The following FRMD8 variants were observed in gnomAD, a reference collection of about 807,000 sequenced individuals.
FRMD8 encodes the protein FERM domain containing 8, also known as FERM domain-containing protein 8.
Under a neutral mutation model 54.2 loss-of-function variants are expected in FRMD8, and 37 were observed. That is an observed-to-expected ratio of 0.68 (90% CI 0.53 to 0.90). The LOEUF is 0.90. FRMD8 is among the 40% of genes least tolerant of loss of function. The pLI is 0.00. For missense variants in FRMD8, 585 were observed against 653.7 expected (o/e 0.89, Z 1.15); for synonymous variants, 246 against 286.9 (o/e 0.86, Z 1.44).
the FRMD8 span, among the ~76,000 whole-genome samples, chr11:65,371,758 G>C: frequency 6.6e-6 from 1 of 152,162 alleles, no homozygotes; most frequent in Non-Finnish European, 1.5e-5. Context: ...GTGACTACAG[G>C]TGCGTGCCAC....
Position 65,400,874 on chromosome 11 carries a change from C to T in FRMD8, c.1071+7C>T, listed in dbSNP as rs376420786. 6.3e-6 allele frequency: 10 copies of T among 1,594,096 alleles called. No homozygotes were observed. The highest frequency in any genetic ancestry group is 4.5e-5 in the South Asian group (4 of 87,918). ...CAAGATCTACTCCAAGCAGGTAGCGCGGGTGGTGCCTGCACACGGGTGGGG... is the reference window on the plus strand; with the variant it reads ...CAAGATCTACTCCAAGCAGGTAGCGTGGGTGGTGCCTGCACACGGGTGGGG... On this transcript the variant is annotated splice_region_variant and intron_variant, in intron 9 of 10. Transcript: ENST00000317568. This position sits in a 1 kb window ranked among gnomAD's most constrained non-coding sequence, Gnocchi z 4.3.
At chr11:65,394,969 G>A (rs150469185) in intron 6 of FRMD8, among the ~76,000 whole-genome samples, 17 of 152,340 alleles carry the variant, frequency 1.1e-4, no homozygotes, top group African/African-American at 3.6e-4. Context: ...TGAAGGGGCC[G>A]GACGCGGTGG....
At chr11:65,406,961 AAAT>A (rs1856212606) in intron 10 of FRMD8, among the ~76,000 whole-genome samples, 1 of 151,956 alleles carries the variant, frequency 6.6e-6, no homozygotes, top group African/African-American at 2.4e-5. Flanking sequence ...ATAAATAAAT[AAAT>A]AATAAAAAGG....
the FRMD8 span, among the ~76,000 whole-genome samples, chr11:65,368,732 T>G: frequency 1.3e-5 from 2 of 151,730 alleles, no homozygotes; most frequent in African/African-American, 4.8e-5. Flanking sequence ...CCCGGCTAAT[T>G]TTTTGTATTT....
rs1856038817 is a variant in FRMD8, at chr11:65,400,024, G to A, written c.927+165G>A. 1.1e-5 allele frequency: 9 copies of A among 788,956 alleles called. No homozygotes were observed. Among genetic ancestry groups the A allele is most frequent in the Non-Finnish European group, 1.5e-5 (8 of 519,526 alleles). 48.9% of individuals were successfully genotyped at this position (788,956 alleles called of 1,614,324 possible). On this transcript the variant is annotated intron_variant, in intron 8 of 10. Coordinates refer to ENST00000317568, the MANE Select transcript of FRMD8 (RefSeq NM_031904.5). The surrounding 1 kb of genome is among the most constrained non-coding windows in gnomAD (Gnocchi z 4.3). ...CCTCGTAGCCCCTGAGGGTGATCCTGGGTCCTCTTGCCCAACATGCTAGGC... is the reference window on the plus strand; with the variant it reads ...CCTCGTAGCCCCTGAGGGTGATCCTAGGTCCTCTTGCCCAACATGCTAGGC...
the FRMD8 span, chr11:65,375,559 G>T: frequency 6.6e-6 from 1 of 152,516 alleles, no homozygotes; most frequent in African/African-American, 2.4e-5. Context: ...CAGGGTCCAG[G>T]AAGCAACCCC....
chr11:65,394,436 G>T lies in FRMD8; in HGVS notation c.581+11G>T. 6.4e-7 allele frequency: 1 copy of T among 1,562,782 alleles called. No homozygotes were observed. ...AGCCTGCGACCTGAGGTGAGGGCCT[G>T]TGTGACTTGAGGCGGGGGCGCTGGG... On this transcript the variant is annotated intron_variant, in intron 6 of 10. Transcript: ENST00000317568.
the FRMD8 span, chr11:65,376,329 C>A: frequency 6.5e-7 from 1 of 1,533,980 alleles, no homozygotes; most frequent in Non-Finnish European, 8.9e-7. Flanking sequence ...GATTTGCAAG[C>A]TTTCAACCTG....
At position 65,400,639 on chromosome 11, in the gene FRMD8, C is replaced by A; in HGVS notation, c.928-85C>A. ...GACTCAGCCTTGGAGAGGCACACAC[C>A]CTGGCCAGGTGTCTGAGTGGGATGG... is the stretch of plus-strand genomic sequence containing the variant. On this transcript the variant is annotated intron_variant, in intron 8 of 10. Coordinates refer to ENST00000317568, the MANE Select transcript of FRMD8 (RefSeq NM_031904.5). This position sits in a 1 kb window ranked among gnomAD's most constrained non-coding sequence, Gnocchi z 4.3. 7.3e-7 allele frequency: 1 copy of A among 1,372,760 alleles called. No individual in the cohort carries two copies. The highest frequency in any genetic ancestry group is 9.7e-7 in the Non-Finnish European group (1 of 1,029,984). The allele number at this position is 1,372,760 out of a possible 1,614,324, so 85.0% of individuals were successfully genotyped here.
At chr11:65,381,560 C>CTTTTT in the FRMD8 span, 235 of 84,644 alleles carry the variant, frequency 2.8e-3, 11 homozygotes, top group South Asian at 3.8e-3. Context: ...TGCCCTGATT[C>CTTTTT]TTTTTTTTTT....
intron 3 of FRMD8, 141 bp downstream of exon 3, chr11:65,389,669 A>G (rs1368534331): frequency 1.2e-6 from 1 of 853,020 alleles, no homozygotes; most frequent in Non-Finnish European, 1.8e-6. Context: ...GTTTATCCTG[A>G]GCTGTCCACC....
At chr11:65,401,689 C>T (rs1590657077) in intron 9 of FRMD8, among the ~76,000 whole-genome samples, 2 of 150,214 alleles carry the variant, frequency 1.3e-5, no homozygotes, top group African/African-American at 4.9e-5. Flanking sequence ...CTTTCCGCCC[C>T]CACCAGCCAC....
At chr11:65,375,495 T>G in the FRMD8 span, 3 of 152,370 alleles carry the variant, frequency 2.0e-5, no homozygotes, top group Non-Finnish European at 2.9e-5. Flanking sequence ...AGAGTCAACC[T>G]GCCAGGCACT....
intron 6 of FRMD8, among the ~76,000 whole-genome samples, chr11:65,395,921 A>C (rs1855944245): frequency 1.3e-5 from 2 of 152,058 alleles, no homozygotes; most frequent in South Asian, 4.1e-4. Context: ...ACCTTCCCTC[A>C]GCCTCTCACC....
At chr11:65,370,311 C>G in the FRMD8 span, among the ~76,000 whole-genome samples, 2 of 151,506 alleles carry the variant, frequency 1.3e-5, no homozygotes. Flanking sequence ...CGCCTGCAAG[C>G]CTTGCAGGCT....
upstream of FRMD8, among the ~76,000 whole-genome samples, chr11:65,386,233 G>A (rs577839970): frequency 1.6e-4 from 25 of 152,352 alleles, no homozygotes; most frequent in South Asian, 1.9e-3. Flanking sequence ...GTCTGGGCCA[G>A]GACTCATTCT....
chr11:65,411,093 G>A (rs1856319132), intron 10 of FRMD8, 149 bp from the exon 11 acceptor site: 1 of 590,774 alleles, frequency 1.7e-6, no homozygotes, highest in African/African-American at 1.9e-5. Flanking sequence ...AGCATGCTGA[G>A]CGGGGCTGAG....
At chr11:65,379,840 A>C in the FRMD8 span, 1 of 1,613,638 alleles carries the variant, frequency 6.2e-7, no homozygotes, top group South Asian at 1.1e-5. Context: ...CGAAAGGGGA[A>C]GGACCCCAAA....
intron 1 of FRMD8, 130 bp from the exon 2 acceptor site, chr11:65,386,907 C>T (rs1855743342): frequency 1.2e-6 from 1 of 800,428 alleles, no homozygotes; most frequent in African/African-American, 1.7e-5. Flanking sequence ...CTCTTGGCCC[C>T]TCCAGGCAGC....
Sources: allele counts gnomAD v4.1 joint callset (sites outside exome capture counted in the v4.1 genomes callset), GRCh38; gene constraint gnomAD v4.1.1; non-coding constraint Gnocchi (gnomAD v3.1); transcripts MANE v1.5; gene names NCBI Gene and HGNC (gene_info 2026-07-23, HGNC 2026-07-21).